The following RYR2 variants were observed in gnomAD, a reference collection of about 807,000 sequenced individuals.
The protein encoded by RYR2 is cardiac muscle ryanodine receptor-calcium release channel.
A neutral mutation model predicts 601.1 loss-of-function variants in RYR2; 227 were observed. The observed-to-expected ratio is 0.38, with a 90% CI of 0.34 to 0.42. The LOEUF (loss-of-function observed/expected upper bound fraction) is 0.42. Among genes scored for constraint, RYR2 ranks in the 10% least tolerant of loss-of-function variants. The pLI is 1.00. For missense variants in RYR2, 4,646 were observed against 6,156.5 expected, an observed-to-expected ratio of 0.75 and a Z score of 8.21; for synonymous variants, 2,223 against 2,175.1, an observed-to-expected ratio of 1.02 and a Z score of -0.61.
At chr1:237,325,896 C>T (rs528321463) in intron 2 of RYR2, among the ~76,000 whole-genome samples, 1 of 152,042 alleles carries the variant, frequency 6.6e-6, no homozygotes, top group Non-Finnish European at 1.5e-5. Flanking sequence ...TAGGTGGGGA[C>T]CTTCACGCCG....
chr1:237,424,468 GC>G (rs1273721394), intron 12 of RYR2, among the ~76,000 whole-genome samples: 1 of 152,046 alleles, frequency 6.6e-6, no homozygotes, highest in Non-Finnish European at 1.5e-5. Flanking sequence ...TTGTATGCTG[GC>G]CCAATTCAAG....
intron 8 of RYR2, among the ~76,000 whole-genome samples, chr1:237,381,019 A>C (rs1701464401): frequency 6.6e-6 from 1 of 152,130 alleles, no homozygotes; most frequent in South Asian, 2.1e-4. Context: ...CAGATGTTGC[A>C]GTGAGCTGAG....
intron 3 of RYR2, 152 bp downstream of exon 3, chr1:237,331,134 T>C: frequency 2.8e-6 from 2 of 705,516 alleles, no homozygotes; most frequent in Non-Finnish European, 5.0e-6. Context: ...TTCTGCTTTA[T>C]CTAGCATATT....
intron 25 of RYR2, among the ~76,000 whole-genome samples, chr1:237,535,524 AAAC>A (rs1668529730): frequency 7.0e-6 from 1 of 143,406 alleles, no homozygotes; most frequent in Admixed American, 7.0e-5. Context: ...CACACGTCCC[AAAC>A]AACTTTTCTA....
At chr1:237,133,370 G>T (rs1672364788) in intron 1 of RYR2, among the ~76,000 whole-genome samples, 1 of 152,102 alleles carries the variant, frequency 6.6e-6, no homozygotes, top group East Asian at 1.9e-4. Flanking sequence ...CATTTCCTAG[G>T]CCCCCTTTCT....
At chr1:237,815,473 G>T (rs1018666362) in intron 100 of RYR2, among the ~76,000 whole-genome samples, 3 of 152,166 alleles carry the variant, frequency 2.0e-5, no homozygotes, top group Admixed American at 6.5e-5. Context: ...TCCCACAGGT[G>T]AACTGTACAT....
rs139490375 is a variant in RYR2, at chr1:237,082,941, G to C, written c.48+40372G>C. ...TTTAGTTTTTGTGGAGCAAAGACTT[G>C]GAAATTTTTAACAATTTCCCCGACG... On this transcript the variant is annotated intron_variant, in intron 1 of 104. Transcript: ENST00000366574. Among the ~76,000 whole-genome samples the C allele has an allele frequency of 7.9e-3, 1,201 of 152,174 alleles. 18 individuals carry two copies. Among genetic ancestry groups the C allele is most frequent in the African/African-American group, 0.028 (1,146 of 41,514 alleles).
intron 1 of RYR2, among the ~76,000 whole-genome samples, chr1:237,162,554 A>G (rs1197941986): frequency 2.0e-5 from 3 of 152,128 alleles, no homozygotes; most frequent in Non-Finnish European, 4.4e-5. Flanking sequence ...ATAAAGTTGG[A>G]AACTTTCAGC....
At chr1:237,153,127 T>C (rs1167100501) in intron 1 of RYR2, among the ~76,000 whole-genome samples, 1 of 152,212 alleles carries the variant, frequency 6.6e-6, no homozygotes, top group Admixed American at 6.5e-5. Context: ...ATTAGGATGC[T>C]CTTGCATGGG....
chr1:237,361,977 C>T (rs914290487), intron 4 of RYR2, among the ~76,000 whole-genome samples: 3 of 152,246 alleles, frequency 2.0e-5, no homozygotes, highest in African/African-American at 4.8e-5. Flanking sequence ...TGCTTACAGA[C>T]GAAAGATGAT....
intron 24 of RYR2, among the ~76,000 whole-genome samples, chr1:237,526,747 G>C (rs1187078231): frequency 6.6e-6 from 1 of 151,504 alleles, no homozygotes; most frequent in African/African-American, 2.4e-5. Flanking sequence ...GGCATAATTT[G>C]AAGATACTTT....
intron 12 of RYR2, among the ~76,000 whole-genome samples, chr1:237,428,315 C>T (rs1706415380): frequency 6.6e-6 from 1 of 152,118 alleles, no homozygotes; most frequent in Admixed American, 6.5e-5. Context: ...TTTATTGCAG[C>T]ACTATTCACA....
intron 3 of RYR2, among the ~76,000 whole-genome samples, chr1:237,340,255 C>T (rs1346985011): frequency 1.3e-5 from 2 of 152,170 alleles, no homozygotes; most frequent in Non-Finnish European, 2.9e-5. Context: ...AGCGCATGTC[C>T]ATTCTCCACC....
chr1:237,266,219 C>T (rs1219826951), intron 1 of RYR2, among the ~76,000 whole-genome samples: 1 of 152,162 alleles, frequency 6.6e-6, no homozygotes, highest in Non-Finnish European at 1.5e-5. Context: ...CCTTATGACC[C>T]AGGAAGACAT....
In RYR2 at chr1:237,604,659, A is replaced by G. The variant is rs377648902; in HGVS notation, c.4683+2548A>G. On this transcript the variant is annotated intron_variant, in intron 35 of 104. Coordinates refer to ENST00000366574, the MANE Select transcript of RYR2 (RefSeq NM_001035.3). ...CTGGTTTTTTGAAAAGATCAACAAA[A>G]TTGGTAGACCACTACCAAGACTAAT... Among the ~76,000 whole-genome samples, 20 of 152,280 alleles carry G rather than the reference A, an allele frequency of 1.3e-4. 1 individual carries two copies. In the East Asian group the frequency reaches 3.3e-3, roughly 25 times the overall value.
At chr1:237,713,509 G>T (rs1026477567) in intron 71 of RYR2, among the ~76,000 whole-genome samples, 4 of 152,042 alleles carry the variant, frequency 2.6e-5, no homozygotes, top group African/African-American at 9.7e-5. Context: ...CGATTCTCCT[G>T]CCTCAGCCTC....
At chr1:237,127,060 G>A (rs562201481) in intron 1 of RYR2, among the ~76,000 whole-genome samples, 1 of 151,746 alleles carries the variant, frequency 6.6e-6, no homozygotes, top group African/African-American at 2.4e-5. Context: ...ATTTAACCCT[G>A]AGTGGACACA....
intron 1 of RYR2, among the ~76,000 whole-genome samples, chr1:237,107,873 G>A (rs543383350): frequency 6.6e-6 from 1 of 152,308 alleles, no homozygotes; most frequent in South Asian, 2.1e-4. Flanking sequence ...CTTCCCTGGG[G>A]TTCCCCTGGG....
Position 237,248,929 on chromosome 1 carries a change from T to C in RYR2, c.49-21568T>C, listed in dbSNP as rs1056289386. Reference sequence around the variant, plus strand: ...GGCATGCGCCACCACGTCCGGCTAATGTTTTTTGTAGTTTTAGTAGAGACG... The same window carrying C: ...GGCATGCGCCACCACGTCCGGCTAACGTTTTTTGTAGTTTTAGTAGAGACG... On this transcript the variant is annotated intron_variant, in intron 1 of 104. Transcript: ENST00000366574. 3.3e-5 allele frequency among the ~76,000 whole-genome samples: 5 copies of C among 152,002 alleles called. No homozygotes were observed. In the East Asian group the frequency reaches 9.7e-4, roughly 29 times the overall value.
Sources: allele counts gnomAD v4.1 joint callset (sites outside exome capture counted in the v4.1 genomes callset), GRCh38; gene constraint gnomAD v4.1.1; transcripts MANE v1.5; gene names NCBI Gene and HGNC (gene_info 2026-07-23, HGNC 2026-07-21).